The following BUB1 variants were observed in gnomAD, a reference collection of about 807,000 sequenced individuals.
BUB1 encodes the protein BUB1 mitotic checkpoint serine/threonine kinase.
A neutral mutation model predicts 135.2 loss-of-function variants in BUB1; 84 were observed. The ratio of observed to expected loss-of-function variants is 0.62; its 90% confidence interval spans 0.52 to 0.74. The LOEUF is 0.74. Ranked by LOEUF, BUB1 falls within the 30% of genes least tolerant of loss-of-function variation. The pLI is 0.00. For missense variants in BUB1, 1,162 were observed against 1,288.3 expected (o/e 0.90, Z 1.50); for synonymous variants, 403 against 434.4 (o/e 0.93, Z 0.90).
At chr2:110,639,882 T>C (rs775026607) in intron 23 of BUB1, 34 bp from the exon 24 acceptor site, 1 of 1,525,828 alleles carries the variant, frequency 6.6e-7, no homozygotes, top group Non-Finnish European at 9.1e-7. Flanking sequence ...ATGACTTAAA[T>C]AGTAATTTAC....
rs1689705380 is a variant in BUB1 at position 110,648,628 on chromosome 2, AT to A, written c.2347+605del. The stretch of plus-strand genomic sequence containing the variant: ...CATGCAAGATGTTAGTAACACGAAA[AT>A]CTGTGTGTGTATATATGGGGAGGTA... On this transcript the variant is annotated intron_variant, in intron 19 of 24. Coordinates refer to ENST00000302759, the MANE Select transcript of BUB1 (RefSeq NM_004336.5). The surrounding 1 kb of genome is among the most constrained non-coding windows in gnomAD (Gnocchi z 4.2). Among the ~76,000 whole-genome samples the A allele has an allele frequency of 6.6e-6, 1 of 152,184 alleles. No individual in the cohort carries two copies. Among genetic ancestry groups the A allele is most frequent in the Non-Finnish European group, 1.5e-5 (1 of 68,036 alleles).
Position 110,666,309 on chromosome 2 carries a change from A to C in BUB1, c.911T>G (p.Val304Gly). The change falls in exon 9 of 25, where the codon GTG becomes GGG. Residue 304 changes from valine (V) to glycine (G), a missense_variant. By Grantham distance (109) the Val-to-Gly change is moderately radical. Transcript: ENST00000302759. Reference sequence around the variant, plus strand: ...GGGCAGATCCTCATGGGATGTCTCCACCACCTGATGCAACTTCTTATGAAG... The same window carrying C: ...GGGCAGATCCTCATGGGATGTCTCCCCCACCTGATGCAACTTCTTATGAAG... The part of the protein sequence containing the change: ...DELHKKLHQV[V>G]ETSHEDLPAS... The C allele has an allele frequency of 6.6e-7, 1 of 1,524,858 alleles. No individual in the cohort carries two copies. Among genetic ancestry groups the C allele is most frequent in the South Asian group, 1.3e-5 (1 of 74,324 alleles). The allele number at this position is 1,524,858 out of a possible 1,614,324, so 94.5% of individuals were successfully genotyped here. A position where few individuals can be genotyped will look rare whatever the true frequency, so the allele number is the denominator to read the frequency against.
chr2:110,654,273 A>G (rs1036130033), intron 16 of BUB1, among the ~76,000 whole-genome samples: 2 of 152,202 alleles, frequency 1.3e-5, no homozygotes, highest in African/African-American at 4.8e-5. Flanking sequence ...TTGATTGACT[A>G]AATTAGCATT....
Position 110,648,025 on chromosome 2 carries a change from T to C in BUB1, c.2347+1209A>G, listed in dbSNP as rs141647989. ...TACTCTCATCATATAACCCTGCAAT[T>C]ACACTCCTTGGTATTTACCCAAATT... is the stretch of plus-strand genomic sequence containing the variant. On this transcript the variant is annotated intron_variant, in intron 19 of 24. Transcript: ENST00000302759. This position sits in a 1 kb window ranked among gnomAD's most constrained non-coding sequence, Gnocchi z 4.2. Among the ~76,000 whole-genome samples, 1 of 152,298 alleles carries C rather than the reference T, an allele frequency of 6.6e-6. No individual in the cohort carries two copies. The highest frequency in any genetic ancestry group is 2.4e-5 in the African/African-American group (1 of 41,560).
At chr2:110,675,980 C>A (rs1014479397) in intron 1 of BUB1, among the ~76,000 whole-genome samples, 2 of 152,180 alleles carry the variant, frequency 1.3e-5, no homozygotes, top group Admixed American at 1.3e-4. Context: ...CTAGCTATCA[C>A]CTCGGTATAT....
At chr2:110,670,092 G>A (rs1056662428) in intron 5 of BUB1, among the ~76,000 whole-genome samples, 1 of 147,768 alleles carries the variant, frequency 6.8e-6, no homozygotes, top group Non-Finnish European at 1.5e-5. Context: ...TGTTACCTGA[G>A]AGTGCAATTT....
intron 9 of BUB1, 147 bp downstream of exon 9, chr2:110,666,116 C>T (rs1690244850): frequency 2.2e-5 from 17 of 758,132 alleles, no homozygotes; most frequent in Non-Finnish European, 2.9e-5. Flanking sequence ...ACATTGTGAA[C>T]GTCTATGTCA....
chr2:110,665,571 T>TTGTGTGTGTG (rs34442113), intron 9 of BUB1, among the ~76,000 whole-genome samples: 1 of 141,082 alleles, frequency 7.1e-6, no homozygotes, highest in African/African-American at 2.6e-5. Flanking sequence ...AAAAGAATGT[T>TTGTGTGTGTG]TGTGTGTGTG....
At chr2:110,659,925 G>A in intron 11 of BUB1, 53 bp downstream of exon 11, 1 of 1,500,644 alleles carries the variant, frequency 6.7e-7, no homozygotes, top group Non-Finnish European at 9.3e-7. Context: ...ATACACCTCT[G>A]AGTGATACAG....
chr2:110,669,354 A>C, intron 6 of BUB1, 99 bp downstream of exon 6: 1 of 836,484 alleles, frequency 1.2e-6, no homozygotes, highest in South Asian at 1.5e-5. Context: ...GAAGAGAAAG[A>C]TCAAAGAAAT....
Position 110,677,520 on chromosome 2 carries a change from C to G in BUB1, c.26+450G>C, listed in dbSNP as rs183060871. ...TTTTTTTCTTAAAGTACCCTGTATT[C>G]AAAGACTTTTAAAAAATAGCAGTGA... On this transcript the variant is annotated intron_variant, in intron 1 of 24. Transcript: ENST00000302759. 4.6e-5 allele frequency among the ~76,000 whole-genome samples: 7 copies of G among 151,952 alleles called. No individual in the cohort carries two copies. The East Asian group carries it at 1.4e-3, about 29-fold the overall frequency.
At chr2:110,642,293 A>G in intron 19 of BUB1, 59 bp from the exon 20 acceptor site, 3 of 1,203,860 alleles carry the variant, frequency 2.5e-6, no homozygotes, top group Non-Finnish European at 3.5e-6. Flanking sequence ...ATAGTTTTCA[A>G]TTTACAAAGA....
At position 110,642,271 on chromosome 2, in the gene BUB1, CTTTTA is replaced by C. The variant is rs748836973; in HGVS notation, c.2348-42_2348-38del. 9.5e-6 allele frequency: 13 copies of C among 1,364,864 alleles called. No individual in the cohort carries two copies. The Admixed American group carries it at 2.1e-4, about 22-fold the overall frequency. The allele number at this position is 1,364,864 out of a possible 1,614,324, so 84.5% of individuals were successfully genotyped here. On this transcript the variant is annotated intron_variant, in intron 19 of 24. Transcript: ENST00000302759. ...ATTGAAAATTTTAATTTATGTACGC[CTTTTA>C]TTTTAAATAGTTTTCAATTTACAAA...
At chr2:110,677,935 C>G (rs763467896) in intron 1 of BUB1, 35 bp downstream of exon 1, 1 of 1,601,222 alleles carries the variant, frequency 6.2e-7, no homozygotes, top group South Asian at 1.1e-5. Context: ...GCCCCAGCCC[C>G]CTGGGCTTCC....
intron 1 of BUB1, among the ~76,000 whole-genome samples, chr2:110,676,895 CAT>C (rs1264023646): frequency 6.6e-6 from 1 of 151,750 alleles, no homozygotes; most frequent in Non-Finnish European, 1.5e-5. Flanking sequence ...TTCTTTTAGT[CAT>C]ATAAACGCAT....
intron 3 of BUB1, among the ~76,000 whole-genome samples, chr2:110,673,376 C>T (rs1392753213): frequency 3.3e-5 from 5 of 152,146 alleles, no homozygotes; most frequent in South Asian, 2.1e-4. Flanking sequence ...GAGGGTTGTG[C>T]GAACTCTGCT....
Position 110,666,308 on chromosome 2 carries a change from C to T in BUB1, c.912G>A (p.Val304=), listed in dbSNP as rs776266013. Residue 304 remains valine, a synonymous_variant, in exon 9 of 25, where the codon GTG becomes GTA. Transcript: ENST00000302759. Reference sequence around the variant, plus strand: ...CGGGCAGATCCTCATGGGATGTCTCCACCACCTGATGCAACTTCTTATGAA... The same window carrying T: ...CGGGCAGATCCTCATGGGATGTCTCTACCACCTGATGCAACTTCTTATGAA... ...DELHKKLHQV[V]ETSHEDLPAS... is the part of the protein sequence containing the mutation. The T allele has an allele frequency of 1.3e-6, 2 of 1,523,890 alleles. No homozygotes were observed. The highest frequency in any genetic ancestry group is 2.0e-5 in the Admixed American group (1 of 51,256). 94.4% of individuals were successfully genotyped at this position (1,523,890 alleles called of 1,614,324 possible).
At chr2:110,638,890 C>T (rs1367139587) in intron 24 of BUB1, among the ~76,000 whole-genome samples, 1 of 151,792 alleles carries the variant, frequency 6.6e-6, no homozygotes, top group East Asian at 1.9e-4. Flanking sequence ...TACTTATGTA[C>T]AGTATATGAC....
intron 16 of BUB1, 146 bp from the exon 17 acceptor site, chr2:110,653,669 A>C: frequency 2.8e-6 from 2 of 704,410 alleles, no homozygotes; most frequent in Non-Finnish European, 4.7e-6. Flanking sequence ...TGTAAAATGT[A>C]TAATAAGATT....
Sources: gnomAD v4.1 joint callset for allele counts (sites outside exome capture counted in the v4.1 genomes callset) on GRCh38, gnomAD v4.1.1 for gene constraint, Gnocchi (gnomAD v3.1) non-coding constraint, MANE v1.5 for transcripts, NCBI Gene and HGNC (gene_info 2026-07-23, HGNC 2026-07-21) for gene names.